The following EDC4 variants were observed in gnomAD, a reference collection of about 807,000 sequenced individuals.
EDC4 encodes the protein enhancer of mRNA-decapping protein 4.
A neutral mutation model predicts 155.8 loss-of-function variants in EDC4; 64 were observed. That is an observed-to-expected ratio of 0.41 (90% CI 0.34 to 0.51). The LOEUF is 0.51. EDC4 is among the 20% of genes least tolerant of loss of function. The pLI is 0.19. For missense variants in EDC4, 1,303 were observed against 1,812.5 expected, an observed-to-expected ratio of 0.72 and a Z score of 5.10; for synonymous variants, 684 against 716.8, an observed-to-expected ratio of 0.95 and a Z score of 0.73.
chr16:67,877,155 G>A lies in EDC4; in HGVS notation c.452-62G>A, dbSNP rs1186573074. Reference sequence around the variant, plus strand: ...GTGGCAGGGAGACAGGTGGGGCAGCGCTTCTCTGCTACTGCCTGAGCCTGG... The same window carrying A: ...GTGGCAGGGAGACAGGTGGGGCAGCACTTCTCTGCTACTGCCTGAGCCTGG... On this transcript the variant is annotated intron_variant, in intron 4 of 28. Coordinates refer to ENST00000358933, the MANE Select transcript of EDC4 (RefSeq NM_014329.5). This position sits in a 1 kb window ranked among gnomAD's most constrained non-coding sequence, Gnocchi z 4.9. 11 of 1,554,134 alleles carry A rather than the reference G, an allele frequency of 7.1e-6. No individual in the cohort carries two copies. Among genetic ancestry groups the A allele is most frequent in the Non-Finnish European group, 9.6e-6 (11 of 1,148,348 alleles).
chr16:67,880,904 G>A lies in EDC4; in HGVS notation c.2445G>A (p.Leu815=). 6.2e-7 allele frequency: 1 copy of A among 1,613,974 alleles called. No individual in the cohort carries two copies. The highest frequency in any genetic ancestry group is 8.5e-7 in the Non-Finnish European group (1 of 1,179,994). The change falls in exon 18 of 29, where the codon TTG becomes TTA. Residue 815 remains leucine, a synonymous_variant. Transcript: ENST00000358933. This position sits in a 1 kb window ranked among gnomAD's most constrained non-coding sequence, Gnocchi z 5.2. ...HNTPSLLEAA[L]TQEASTPDSQ... The stretch of plus-strand genomic sequence containing the variant: ...CCCCCTCCCTCCTGGAGGCAGCCTT[G>A]ACCCAGGAGGCCTCGACTCCTGACA...
rs376569739 is a variant in EDC4, at chr16:67,876,445, T to C, written c.240-43T>C. On this transcript the variant is annotated intron_variant, in intron 2 of 28. Coordinates refer to ENST00000358933, the MANE Select transcript of EDC4 (RefSeq NM_014329.5). This position sits in a 1 kb window ranked among gnomAD's most constrained non-coding sequence, Gnocchi z 5.8. ...TCCTCCCAACCCTGCCCGCTGAGCCTTTGGGTGAACAAGAGGCAAAGTTTT... is the reference window on the plus strand; with the variant it reads ...TCCTCCCAACCCTGCCCGCTGAGCCCTTGGGTGAACAAGAGGCAAAGTTTT... 15 of 1,608,332 alleles carry C rather than the reference T, an allele frequency of 9.3e-6. No homozygotes were observed. In the African/African-American group the frequency reaches 2.0e-4, roughly 21 times the overall value.
rs188082306 is a variant in EDC4, at chr16:67,880,945, C to T, written c.2486C>T (p.Thr829Ile). ...ACTCCTGACAGTCAGGTTTGGCCCA[C>T]AGCACCTGACATTACTCGTGAGACC... ...ASTPDSQVWPTAPDITRETCS... is the reference protein window; with the variant it reads ...ASTPDSQVWPIAPDITRETCS... The change falls in exon 18 of 29, where the codon ACA (threonine) becomes ATA (isoleucine). Residue 829 changes from threonine to isoleucine, a missense_variant. Physicochemically the swap from Thr to Ile is moderately conservative, Grantham distance 89 (BLOSUM62 -1). Around this residue, in one of 5 missense-constraint regions of EDC4, gnomAD observed 527 missense variants for 757.0 expected, o/e 0.70. Coordinates refer to ENST00000358933, the MANE Select transcript of EDC4 (RefSeq NM_014329.5). This position sits in a 1 kb window ranked among gnomAD's most constrained non-coding sequence, Gnocchi z 5.2. The T allele has an allele frequency of 6.2e-7, 1 of 1,614,028 alleles. No homozygotes were observed. The highest frequency in any genetic ancestry group is 2.2e-5 in the East Asian group (1 of 44,876).
chr16:67,877,827 G>A lies in EDC4; in HGVS notation c.876G>A (p.Val292=). 2 of 1,614,090 alleles carry A rather than the reference G, an allele frequency of 1.2e-6. No individual in the cohort carries two copies. Among genetic ancestry groups the A allele is most frequent in the Admixed American group, 1.7e-5 (1 of 60,026 alleles). Reference sequence around the variant, plus strand: ...GCCAGATCAAGCAGGGCTTCATTGTGGTAAAAGGTCATAGCACGGTAAGCC... The same window carrying A: ...GCCAGATCAAGCAGGGCTTCATTGTAGTAAAAGGTCATAGCACGGTAAGCC... ...DVSQIKQGFI[V]VKGHSTCLSE... The change falls in exon 7 of 29, where the codon GTG becomes GTA. Residue 292 remains valine, a synonymous_variant. Transcript: ENST00000358933. This position sits in a 1 kb window ranked among gnomAD's most constrained non-coding sequence, Gnocchi z 4.9.
In EDC4 at chr16:67,880,824, C is replaced by T. The variant is rs1033527698; in HGVS notation, c.2365C>T (p.Leu789Phe). ...CCCACGGCCCCGGCCAGGGCCCGAGCTCGGCCCCCAGCTCGGGCTTGATGG... is the reference window on the plus strand; with the variant it reads ...CCCACGGCCCCGGCCAGGGCCCGAGTTCGGCCCCCAGCTCGGGCTTGATGG... ...LSPRPRPGPE[L>F]GPQLGLDGGP... Residue 789 changes from leucine (L) to phenylalanine (F), a missense_variant, in exon 18 of 29, where the codon CTC (leucine) becomes TTC (phenylalanine). Around this residue, in one of 5 missense-constraint regions of EDC4, gnomAD observed 391 missense variants for 445.4 expected, o/e 0.88. Transcript: ENST00000358933. The surrounding 1 kb of genome is among the most constrained non-coding windows in gnomAD (Gnocchi z 5.2). 36 of 1,613,956 alleles carry T rather than the reference C, an allele frequency of 2.2e-5. No homozygotes were observed. Among genetic ancestry groups the T allele is most frequent in the Non-Finnish European group, 3.1e-5 (36 of 1,180,008 alleles).
rs755929890 is a variant in EDC4, at chr16:67,880,818, C to T, written c.2359C>T (p.Pro787Ser). 1 of 1,613,776 alleles carries T rather than the reference C, an allele frequency of 6.2e-7. No individual in the cohort carries two copies. The highest frequency in any genetic ancestry group is 2.2e-5 in the East Asian group (1 of 44,890). Residue 787 changes from proline (P) to serine (S), a missense_variant, in exon 18 of 29, where the codon CCC (proline) becomes TCC (serine). This residue lies in a region of EDC4 where 391 missense variants were observed against 445.4 expected (regional missense o/e 0.88). Transcript: ENST00000358933. The surrounding 1 kb of genome is among the most constrained non-coding windows in gnomAD (Gnocchi z 5.2). The stretch of plus-strand genomic sequence containing the variant: ...GCTGTCCCCACGGCCCCGGCCAGGG[C>T]CCGAGCTCGGCCCCCAGCTCGGGCT... ...HLLSPRPRPG[P>S]ELGPQLGLDG...
intron 1 of EDC4, 181 bp from the exon 2 acceptor site, chr16:67,875,764 G>A (rs557242018): frequency 1.3e-5 from 19 of 1,417,106 alleles, no homozygotes; most frequent in African/African-American, 2.9e-5. Context: ...CTCATCCTTG[G>A]TCCTGCCTAC....
chr16:67,876,625 T>C lies in EDC4; in HGVS notation c.351+26T>C. ...GTAGGTACTGGGATGCTGTGGCATA[T>C]ATAATGTACGGGGGCACACCCAGCC... On this transcript the variant is annotated intron_variant, in intron 3 of 28. Coordinates refer to ENST00000358933, the MANE Select transcript of EDC4 (RefSeq NM_014329.5). This position sits in a 1 kb window ranked among gnomAD's most constrained non-coding sequence, Gnocchi z 5.8. 2 of 1,613,138 alleles carry C rather than the reference T, an allele frequency of 1.2e-6. No homozygotes were observed. Among genetic ancestry groups the C allele is most frequent in the Admixed American group, 3.3e-5 (2 of 59,868 alleles).
At position 67,877,979 on chromosome 16, in the gene EDC4, C is replaced by T; in HGVS notation, c.894+134C>T. On this transcript the variant is annotated intron_variant, in intron 7 of 28. Transcript: ENST00000358933. This position sits in a 1 kb window ranked among gnomAD's most constrained non-coding sequence, Gnocchi z 4.9. ...GGGACTCTGAGCTCAAATTGGCCCT[C>T]ACCTGTGCAGCTTTCTCCTTATCTA... The T allele has an allele frequency of 1.3e-6, 2 of 1,496,180 alleles. No homozygotes were observed. The highest frequency in any genetic ancestry group is 2.6e-5 in the South Asian group (2 of 77,778). The allele number at this position is 1,496,180 out of a possible 1,614,324, so 92.7% of individuals were successfully genotyped here. A position where few individuals can be genotyped will look rare whatever the true frequency, so the allele number is the denominator to read the frequency against.
Position 67,884,158 on chromosome 16 carries a change from C to A in EDC4, c.*10C>A. ...CCCCAGCCTCCCTTAGCTGCTAAGC[C>A]TGCCTTGCCCAGGGGTGGGATGGCA... On this transcript the variant is annotated 3_prime_UTR_variant, in exon 29 of 29. Transcript: ENST00000358933. This position sits in a 1 kb window ranked among gnomAD's most constrained non-coding sequence, Gnocchi z 4.1. 1 of 1,597,438 alleles carries A rather than the reference C, an allele frequency of 6.3e-7. No individual in the cohort carries two copies. Among genetic ancestry groups the A allele is most frequent in the Middle Eastern group, 1.7e-4 (1 of 5,960 alleles).
At position 67,881,945 on chromosome 16, in the gene EDC4, A is replaced by G. The variant is rs1567391657; in HGVS notation, c.3005-9A>G. On this transcript the variant is annotated splice_polypyrimidine_tract_variant and intron_variant, in intron 22 of 28. Transcript: ENST00000358933. The surrounding 1 kb of genome is among the most constrained non-coding windows in gnomAD (Gnocchi z 5.4). ...CCTGCTCCAGGCCCGTTCCTTAGCT[A>G]TGGCGCAGAGCGGCGGCTGGAGCGA... 1 of 1,606,308 alleles carries G rather than the reference A, an allele frequency of 6.2e-7. No individual in the cohort carries two copies. Among genetic ancestry groups the G allele is most frequent in the South Asian group, 1.1e-5 (1 of 90,638 alleles).
At position 67,880,273 on chromosome 16, in the gene EDC4, G is replaced by T; in HGVS notation, c.2097+57G>T. 6.5e-7 allele frequency: 1 copy of T among 1,538,764 alleles called. No homozygotes were observed. ...GGAGCAGGTGGGCAGCAGCAGGGAA[G>T]GTGGGTGGTGGGCTCCTCCCAGCCC... On this transcript the variant is annotated intron_variant, in intron 17 of 28. Transcript: ENST00000358933. The surrounding 1 kb of genome is among the most constrained non-coding windows in gnomAD (Gnocchi z 5.2).
At position 67,883,549 on chromosome 16, in the gene EDC4, C is replaced by T; in HGVS notation, c.3850-19C>T. 1 of 1,611,698 alleles carries T rather than the reference C, an allele frequency of 6.2e-7. No homozygotes were observed. Among genetic ancestry groups the T allele is most frequent in the South Asian group, 1.1e-5 (1 of 91,076 alleles). The stretch of plus-strand genomic sequence containing the variant: ...ATCCTGATATTTGCTATAAACACTG[C>T]TGCTTTTTTCTCCTCCAGGCGCTGA... On this transcript the variant is annotated intron_variant, in intron 27 of 28. Transcript: ENST00000358933. The surrounding 1 kb of genome is among the most constrained non-coding windows in gnomAD (Gnocchi z 5.3).
Position 67,880,053 on chromosome 16 carries a change from C to T in EDC4, c.1944-10C>T. On this transcript the variant is annotated splice_polypyrimidine_tract_variant and intron_variant, in intron 16 of 28. Coordinates refer to ENST00000358933, the MANE Select transcript of EDC4 (RefSeq NM_014329.5). The surrounding 1 kb of genome is among the most constrained non-coding windows in gnomAD (Gnocchi z 5.2). ...CTCTGGCTGCTGACACCTCAGCCTT[C>T]CCCCACCAGGCCACCTGAGGAGCTG... The T allele has an allele frequency of 2.5e-6, 4 of 1,594,350 alleles. No homozygotes were observed. Among genetic ancestry groups the T allele is most frequent in the Non-Finnish European group, 3.4e-6 (4 of 1,167,346 alleles).
In EDC4 at chr16:67,884,248, C is replaced by T; in HGVS notation, c.*100C>T. 8.5e-7 allele frequency: 1 copy of T among 1,169,820 alleles called. No homozygotes were observed. The highest frequency in any genetic ancestry group is 1.5e-5 in the South Asian group (1 of 65,014). The allele number at this position is 1,169,820 out of a possible 1,614,324, so 72.5% of individuals were successfully genotyped here. ...CGGCTGGCCTTTACCTGCTCAGGCC[C>T]CCATCTCTGGGGTGTTTGGGGGTCA... On this transcript the variant is annotated 3_prime_UTR_variant, in exon 29 of 29. Coordinates refer to ENST00000358933, the MANE Select transcript of EDC4 (RefSeq NM_014329.5). This position sits in a 1 kb window ranked among gnomAD's most constrained non-coding sequence, Gnocchi z 4.1.
Position 67,883,287 on chromosome 16 carries a change from G to C in EDC4, c.3849+110G>C. The stretch of plus-strand genomic sequence containing the variant: ...TTGCACCTTCTGGCCCCAGCAGACT[G>C]TTCTTGGTTCCCTTTGGCCTCCAGG... On this transcript the variant is annotated intron_variant, in intron 27 of 28. Coordinates refer to ENST00000358933, the MANE Select transcript of EDC4 (RefSeq NM_014329.5). The surrounding 1 kb of genome is among the most constrained non-coding windows in gnomAD (Gnocchi z 5.3). 6.9e-7 allele frequency: 1 copy of C among 1,448,196 alleles called. No homozygotes were observed. The allele number at this position is 1,448,196 out of a possible 1,614,324, so 89.7% of individuals were successfully genotyped here. A position where few individuals can be genotyped will look rare whatever the true frequency, so the allele number is the denominator to read the frequency against.
Position 67,880,901 on chromosome 16 carries a change from C to G in EDC4, c.2442C>G (p.Ala814=). 24 of 1,614,020 alleles carry G rather than the reference C, an allele frequency of 1.5e-5. No individual in the cohort carries two copies. Among genetic ancestry groups the G allele is most frequent in the Non-Finnish European group, 2.0e-5 (24 of 1,179,994 alleles). Residue 814 remains alanine (A), a synonymous_variant, in exon 18 of 29, where the codon GCC becomes GCG. Transcript: ENST00000358933. The surrounding 1 kb of genome is among the most constrained non-coding windows in gnomAD (Gnocchi z 5.2). ...RHNTPSLLEA[A]LTQEASTPDS... The stretch of plus-strand genomic sequence containing the variant: ...ATACCCCCTCCCTCCTGGAGGCAGC[C>G]TTGACCCAGGAGGCCTCGACTCCTG...
At position 67,878,834 on chromosome 16, in the gene EDC4, C is replaced by T. The variant is rs2058052513; in HGVS notation, c.1282C>T (p.Arg428Trp). Residue 428 changes from arginine to tryptophan, a missense_variant, in exon 11 of 29, where the codon CGG (arginine) becomes TGG (tryptophan). Physicochemically the swap from Arg to Trp is moderately radical, Grantham distance 101. This residue lies in a region of EDC4 where 235 missense variants were observed against 367.7 expected (regional missense o/e 0.64). Coordinates refer to ENST00000358933, the MANE Select transcript of EDC4 (RefSeq NM_014329.5). The surrounding 1 kb of genome is among the most constrained non-coding windows in gnomAD (Gnocchi z 5.2). ...AEYLILSDVQ[R>W]KVLYVMELLQ... Reference sequence around the variant, plus strand: ...ATACCTGATTCTCAGCGATGTGCAACGGAAGGTAGGCTGCCATGGGGTACC... The same window carrying T: ...ATACCTGATTCTCAGCGATGTGCAATGGAAGGTAGGCTGCCATGGGGTACC... 1.9e-6 allele frequency: 3 copies of T among 1,613,552 alleles called. No homozygotes were observed. Among genetic ancestry groups the T allele is most frequent in the Non-Finnish European group, 2.5e-6 (3 of 1,180,020 alleles).
Position 67,883,827 on chromosome 16 carries a change from C to T in EDC4, c.4013+96C>T, listed in dbSNP as rs116027434. ...TGACGCCCACTTCTGCCTGAATCCT[C>T]TCCCTAATTTTCTCCACCAGTCCTT... On this transcript the variant is annotated intron_variant, in intron 28 of 28. Transcript: ENST00000358933. This position sits in a 1 kb window ranked among gnomAD's most constrained non-coding sequence, Gnocchi z 5.3. 2,863 of 1,549,422 alleles carry T rather than the reference C, an allele frequency of 1.8e-3. 50 individuals carry two copies. The African/African-American group carries it at 0.035, about 19-fold the overall frequency.
Sources: gnomAD v4.1 joint callset for allele counts on GRCh38, gnomAD v4.1.1 for gene constraint, gnomAD v4.1.1 regional missense constraint, Gnocchi (gnomAD v3.1) non-coding constraint, MANE v1.5 for transcripts, NCBI Gene and HGNC (gene_info 2026-07-23, HGNC 2026-07-21) for gene names.